BLK: variants seen among roughly 807,000 people sequenced by gnomAD.
BLK encodes tyrosine-protein kinase Blk.
BLK carries 64 observed loss-of-function variants against 61.8 expected under a neutral mutation model. That is an observed-to-expected ratio of 1.03 (90% CI 0.85 to 1.27). BLK has a LOEUF of 1.27. BLK is among the 50% of genes most tolerant of loss of function. The probability of loss-of-function intolerance (pLI) is 0.00; values close to 1 mark genes in which losing one functional copy is unlikely to be tolerated. For missense variants in BLK, 853 were observed against 660.5 expected (o/e 1.29, Z -3.19); for synonymous variants, 351 against 272.0 (o/e 1.29, Z -2.86).
chr8:11,552,287 C>G (rs1441478216), intron 6 of BLK, among the ~76,000 whole-genome samples: 1 of 152,174 alleles, frequency 6.6e-6, no homozygotes, highest in South Asian at 2.1e-4. Flanking sequence ...GGGGCAGGAC[C>G]AGGTTGGGGA....
chr8:11,515,470 C>T (rs1337475989), intron 1 of BLK, among the ~76,000 whole-genome samples: 1 of 152,080 alleles, frequency 6.6e-6, no homozygotes, highest in African/African-American at 2.4e-5. Flanking sequence ...AGTAAGCAGC[C>T]GGCGCACAGG....
At chr8:11,549,789 G>A (rs924310318) in intron 5 of BLK, among the ~76,000 whole-genome samples, 12 of 152,222 alleles carry the variant, frequency 7.9e-5, no homozygotes, top group African/African-American at 2.4e-4. Flanking sequence ...AGAGAGTCTC[G>A]GCAGTTTGCC....
chr8:11,519,868 C>T (rs1398600732), intron 1 of BLK, among the ~76,000 whole-genome samples: 4 of 152,292 alleles, frequency 2.6e-5, no homozygotes, highest in African/African-American at 7.2e-5. Context: ...TATCCCTTGC[C>T]GCCCCCACTA....
chr8:11,503,668 G>A (rs1171491979), intron 1 of BLK, among the ~76,000 whole-genome samples: 2 of 152,180 alleles, frequency 1.3e-5, no homozygotes, highest in Admixed American at 1.3e-4. Flanking sequence ...AGGTCTGAGG[G>A]CTGAGACTTG....
intron 1 of BLK, among the ~76,000 whole-genome samples, chr8:11,507,224 C>A: frequency 6.6e-6 from 1 of 152,274 alleles, no homozygotes; most frequent in African/African-American, 2.4e-5. Context: ...GAAACTGAAG[C>A]GGGCTAGGGA....
At chr8:11,515,723 A>T (rs897907153) in intron 1 of BLK, among the ~76,000 whole-genome samples, 1 of 152,196 alleles carries the variant, frequency 6.6e-6, no homozygotes, top group African/African-American at 2.4e-5. Context: ...CCGCCACTGT[A>T]GTGCCTCATG....
At chr8:11,553,455 C>T (rs1228988130) in intron 6 of BLK, 1 of 414,266 alleles carries the variant, frequency 2.4e-6, no homozygotes, top group Non-Finnish European at 4.8e-6. Flanking sequence ...TTGTCAGAAG[C>T]CATCAGGGAC....
intron 1 of BLK, among the ~76,000 whole-genome samples, chr8:11,531,048 T>A (rs1563445890): frequency 1.3e-5 from 2 of 152,208 alleles, no homozygotes; most frequent in Non-Finnish European, 2.9e-5. Flanking sequence ...GGTGGTTGTG[T>A]GGTGGCATTT....
chr8:11,541,091 C>T (rs990191711), intron 1 of BLK, among the ~76,000 whole-genome samples: 4 of 152,088 alleles, frequency 2.6e-5, no homozygotes, highest in Non-Finnish European at 5.9e-5. Context: ...CATGGCAAAA[C>T]CCTGTCTCTA....
chr8:11,497,963 A>G (rs1798417452), intron 1 of BLK, among the ~76,000 whole-genome samples: 1 of 152,198 alleles, frequency 6.6e-6, no homozygotes, highest in African/African-American at 2.4e-5. Context: ...TGAGAACTGA[A>G]CAGAACCACG....
At chr8:11,504,762 G>T (rs1027802510) in intron 1 of BLK, among the ~76,000 whole-genome samples, 3 of 152,202 alleles carry the variant, frequency 2.0e-5, no homozygotes, top group East Asian at 1.9e-4. Context: ...GCCTGATAAG[G>T]GTGCTGGCAT....
intron 1 of BLK, among the ~76,000 whole-genome samples, chr8:11,522,162 T>C (rs1799477214): frequency 6.6e-6 from 1 of 152,166 alleles, no homozygotes; most frequent in African/African-American, 2.4e-5. Context: ...GTAAATTATG[T>C]GTTTAGTTGG....
intron 1 of BLK, among the ~76,000 whole-genome samples, chr8:11,516,245 G>C (rs1013089632): frequency 6.6e-6 from 1 of 152,210 alleles, no homozygotes; most frequent in African/African-American, 2.4e-5. Flanking sequence ...GGGGGTGCGA[G>C]AGCCTGACGT....
chr8:11,564,049 C>T lies in BLK; in HGVS notation c.1459C>T (p.Gln487Ter), dbSNP rs977993440. 6.2e-7 allele frequency: 1 copy of T among 1,602,792 alleles called. No homozygotes were observed. Reference protein sequence around the residue: ...PEERPTFEFLQSVLEDFYTAT... With the variant: ...PEERPTFEFL The stretch of plus-strand genomic sequence containing the variant: ...GGAGCGGCCCACCTTCGAGTTCCTG[C>T]AGTCGGTGCTGGAGGACTTCTACAC... Residue 487 changes from glutamine (Q) to a stop codon, truncating the protein, a stop_gained, in exon 13 of 13, where the codon CAG becomes TAG. Coordinates refer to ENST00000259089, the MANE Select transcript of BLK (RefSeq NM_001715.3). LOFTEE classifies it high-confidence loss of function.
At chr8:11,547,139 G>A (rs1031280068) in intron 3 of BLK, among the ~76,000 whole-genome samples, 2 of 152,252 alleles carry the variant, frequency 1.3e-5, no homozygotes, top group African/African-American at 4.8e-5. Flanking sequence ...CCCAGGAATG[G>A]CGAAGGGGTG....
intron 1 of BLK, among the ~76,000 whole-genome samples, chr8:11,495,366 G>T (rs143379650): frequency 6.6e-6 from 1 of 152,186 alleles, no homozygotes; most frequent in Non-Finnish European, 1.5e-5. Context: ...TCGGGAGAGT[G>T]GGACTTAATT....
chr8:11,510,710 A>G (rs2252729), intron 1 of BLK, among the ~76,000 whole-genome samples: 128,049 of 151,794 alleles, frequency 0.84, 54,233 homozygotes, highest in African/African-American at 0.89. Context: ...GTAATGGGAT[A>G]GGGAATATAT....
At chr8:11,531,383 G>A (rs1005737357) in intron 1 of BLK, among the ~76,000 whole-genome samples, 21 of 152,162 alleles carry the variant, frequency 1.4e-4, no homozygotes, top group African/African-American at 4.6e-4. Flanking sequence ...TATTCTAAGG[G>A]AATAGAAGGT....
intron 1 of BLK, among the ~76,000 whole-genome samples, chr8:11,516,509 T>C (rs1373701134): frequency 2.6e-5 from 4 of 152,348 alleles, no homozygotes; most frequent in Non-Finnish European, 5.9e-5. Flanking sequence ...GACAATCTAG[T>C]AGGTCTTATG....
Sources: allele counts gnomAD v4.1 joint callset (sites outside exome capture counted in the v4.1 genomes callset), GRCh38; gene constraint gnomAD v4.1.1; transcripts MANE v1.5; gene names NCBI Gene and HGNC (gene_info 2026-07-23, HGNC 2026-07-21).